Variants in XKR4 observed in about 807,000 individuals in gnomAD.
XKR4 encodes XK related 4, also known as XK-related protein 4.
XKR4 carries 12 observed loss-of-function variants against 53.9 expected under a neutral mutation model. That is an observed-to-expected ratio of 0.22 (90% confidence interval 0.14 to 0.36). The LOEUF is 0.36. Ranked by LOEUF, XKR4 falls within the 10% of genes least tolerant of loss-of-function variation. XKR4 has a pLI of 1.00. For missense variants in XKR4, 799 were observed against 859.5 expected (o/e 0.93, Z 0.88); for synonymous variants, 354 against 362.4 (o/e 0.98, Z 0.26).
chr8:55,398,560 G>A (rs1313441665), intron 2 of XKR4, among the ~76,000 whole-genome samples: 1 of 152,144 alleles, frequency 6.6e-6, no homozygotes, highest in Admixed American at 6.5e-5. Context: ...GTGGAGGAGG[G>A]CGTGTTCATC....
At chr8:55,251,234 G>A (rs1818357930) in intron 1 of XKR4, among the ~76,000 whole-genome samples, 1 of 152,186 alleles carries the variant, frequency 6.6e-6, no homozygotes, top group South Asian at 2.1e-4. Context: ...ATTGGCATAG[G>A]TAAGAATACA....
At chr8:55,504,233 G>A (rs1159388059) in intron 2 of XKR4, among the ~76,000 whole-genome samples, 1 of 127,724 alleles carries the variant, frequency 7.8e-6, no homozygotes, top group Non-Finnish European at 1.7e-5. Flanking sequence ...TTTTGTTTGA[G>A]ACAGAGTCTC....
At position 55,523,509 on chromosome 8, in the gene XKR4, T is replaced by G; in HGVS notation, c.1235T>G (p.Met412Arg). The change falls in exon 3 of 3, where the codon ATG becomes AGG. Residue 412 changes from methionine (M) to arginine (R), a missense_variant. By Grantham distance (91) the Met-to-Arg change is moderately conservative. Around this residue, in one of 3 missense-constraint regions of XKR4, gnomAD observed 54 missense variants for 89.7 expected, o/e 0.60. Coordinates refer to ENST00000327381, the MANE Select transcript of XKR4 (RefSeq NM_052898.2). ...TTCATCGTCCTTCACTGGTGCATCA[T>G]GACCTTCTGGATCGTCCACTGTGAG... ...GIFIVLHWCI[M>R]TFWIVHCETE... The G allele has an allele frequency of 6.2e-7, 1 of 1,614,236 alleles. No homozygotes were observed. The highest frequency in any genetic ancestry group is 8.5e-7 in the Non-Finnish European group (1 of 1,180,032).
intron 1 of XKR4, among the ~76,000 whole-genome samples, chr8:55,251,106 C>T (rs750644902): frequency 2.6e-5 from 4 of 152,228 alleles, no homozygotes; most frequent in East Asian, 1.9e-4. Flanking sequence ...TAGGCGTAGA[C>T]GTAAGTACAG....
chr8:55,244,671 C>T (rs1818258229), intron 1 of XKR4, among the ~76,000 whole-genome samples: 1 of 152,142 alleles, frequency 6.6e-6, no homozygotes, highest in African/African-American at 2.4e-5. Context: ...AACTAATGTA[C>T]ATTCCACCAG....
intron 1 of XKR4, among the ~76,000 whole-genome samples, chr8:55,197,545 A>AT (rs35974542): frequency 0.095 from 13,597 of 143,626 alleles, 1,554 homozygotes; most frequent in African/African-American, 0.26. Flanking sequence ...GTTCAGCTAA[A>AT]TTTTTTTTTT....
chr8:55,412,807 A>G (rs1804794950), intron 2 of XKR4, among the ~76,000 whole-genome samples: 1 of 152,202 alleles, frequency 6.6e-6, no homozygotes, highest in South Asian at 2.1e-4. Flanking sequence ...GAGCCTCACT[A>G]AAGTTGGCTA....
intron 1 of XKR4, among the ~76,000 whole-genome samples, chr8:55,245,958 T>G (rs1818279511): frequency 6.6e-6 from 1 of 152,090 alleles, no homozygotes; most frequent in South Asian, 2.1e-4. Flanking sequence ...TAAAATTAGC[T>G]GGGCGTGGTG....
At chr8:55,462,647 G>A (rs1038229809) in intron 2 of XKR4, among the ~76,000 whole-genome samples, 3 of 152,102 alleles carry the variant, frequency 2.0e-5, no homozygotes, top group African/African-American at 7.2e-5. Context: ...ATGTAAATGG[G>A]CTAAATGCTC....
intron 2 of XKR4, among the ~76,000 whole-genome samples, chr8:55,476,712 C>T (rs1805992457): frequency 1.3e-5 from 2 of 152,050 alleles, no homozygotes; most frequent in Non-Finnish European, 2.9e-5. Flanking sequence ...GCTTTTCCAA[C>T]AGGCTTAAAA....
intron 2 of XKR4, among the ~76,000 whole-genome samples, chr8:55,501,831 T>C (rs1408267995): frequency 2.0e-5 from 3 of 152,138 alleles, no homozygotes; most frequent in African/African-American, 7.2e-5. Context: ...TTCAGTTCTT[T>C]TGGGTATACA....
At chr8:55,468,961 C>G (rs952518908) in intron 2 of XKR4, among the ~76,000 whole-genome samples, 21 of 152,128 alleles carry the variant, frequency 1.4e-4, no homozygotes, top group South Asian at 2.1e-4. Flanking sequence ...AAACCAAACT[C>G]TTGCTATCCC....
intron 2 of XKR4, among the ~76,000 whole-genome samples, chr8:55,516,543 T>C (rs1246744217): frequency 6.6e-6 from 1 of 152,194 alleles, no homozygotes; most frequent in Non-Finnish European, 1.5e-5. Flanking sequence ...TTTGCAATGA[T>C]GTTGGGAAGA....
At chr8:55,337,791 A>G (rs1803483656) in intron 1 of XKR4, among the ~76,000 whole-genome samples, 1 of 152,234 alleles carries the variant, frequency 6.6e-6, no homozygotes. Flanking sequence ...ACCCTTTGCT[A>G]GCTTGTCTCA....
chr8:55,425,449 C>CA (rs1804998070), intron 2 of XKR4, among the ~76,000 whole-genome samples: 2 of 152,200 alleles, frequency 1.3e-5, no homozygotes, highest in African/African-American at 4.8e-5. Context: ...CTACTACCCT[C>CA]AGGCTGATAA....
At chr8:55,146,652 GT>G (rs1229087410) in intron 1 of XKR4, among the ~76,000 whole-genome samples, 1 of 152,134 alleles carries the variant, frequency 6.6e-6, no homozygotes, top group Non-Finnish European at 1.5e-5. Flanking sequence ...GGAGGAAACT[GT>G]ATCTTTTTCA....
intron 1 of XKR4, chr8:55,163,982 C>T (rs1585913921): frequency 2.1e-5 from 6 of 291,162 alleles, no homozygotes; most frequent in Middle Eastern, 1.3e-3. Flanking sequence ...TTAATGCCTG[C>T]GTGCATATGC....
intron 2 of XKR4, chr8:55,450,007 T>A: frequency 1.3e-6 from 1 of 788,684 alleles, no homozygotes; most frequent in Non-Finnish European, 2.2e-6. Flanking sequence ...GCAGCGGTGG[T>A]GAGGTGCGGT....
chr8:55,313,393 G>A (rs377313669), intron 1 of XKR4, among the ~76,000 whole-genome samples: 1 of 152,146 alleles, frequency 6.6e-6, no homozygotes, highest in African/African-American at 2.4e-5. Context: ...AATTTACTTC[G>A]GGAAAAGATC....
Sources: gnomAD v4.1 joint callset for allele counts (sites outside exome capture counted in the v4.1 genomes callset) on GRCh38, gnomAD v4.1.1 for gene constraint, gnomAD v4.1.1 regional missense constraint, MANE v1.5 for transcripts, NCBI Gene and HGNC (gene_info 2026-07-23, HGNC 2026-07-21) for gene names.